ZEB1: variants seen among roughly 807,000 people sequenced by gnomAD.
The protein encoded by ZEB1 is zinc finger E-box-binding homeobox 1.
Under a neutral mutation model 84.9 loss-of-function variants are expected in ZEB1, and 21 were observed. The observed-to-expected ratio is 0.25, with a 90% CI of 0.18 to 0.36. The LOEUF (loss-of-function observed/expected upper bound fraction) is 0.36. Among genes scored for constraint, ZEB1 ranks in the 10% least tolerant of loss-of-function variants. The pLI is 1.00. For missense variants in ZEB1, 1,104 were observed against 1,330.2 expected, an observed-to-expected ratio of 0.83 and a Z score of 2.65; for synonymous variants, 420 against 471.1, an observed-to-expected ratio of 0.89 and a Z score of 1.41.
intron 2 of ZEB1, among the ~76,000 whole-genome samples, chr10:31,484,556 T>C (rs1195372346): frequency 6.6e-6 from 1 of 152,038 alleles, no homozygotes; most frequent in East Asian, 1.9e-4. Flanking sequence ...CCAGGCGGTC[T>C]GAGTCTGTAA....
rs559676334 is a variant in ZEB1 at position 31,321,001 on chromosome 10, A to C, written c.58+1709A>C. ...CGCTTTGGTTCCTGCGTTATTTTTA[A>C]AACGACTTTTAAGAGAGGGGCAATA... On this transcript the variant is annotated intron_variant, in intron 1 of 8. Transcript: ENST00000424869. The C allele has an allele frequency of 4.9e-5, 18 of 370,138 alleles. No individual in the cohort carries two copies. In the East Asian group the frequency reaches 2.9e-3, roughly 60 times the overall value. 22.9% of individuals were successfully genotyped at this position (370,138 alleles called of 1,614,324 possible). A position where few individuals can be genotyped will look rare whatever the true frequency, so the allele number is the denominator to read the frequency against.
At chr10:31,462,724 T>C (rs1237545507) in intron 2 of ZEB1, among the ~76,000 whole-genome samples, 1 of 152,194 alleles carries the variant, frequency 6.6e-6, no homozygotes, top group Non-Finnish European at 1.5e-5. Context: ...TTGAACCTTA[T>C]CATGGAAGCT....
intron 2 of ZEB1, among the ~76,000 whole-genome samples, chr10:31,483,243 T>C (rs1031127510): frequency 6.6e-6 from 1 of 151,998 alleles, no homozygotes; most frequent in African/African-American, 2.4e-5. Context: ...GCTAATTGCT[T>C]TCCCAAATAT....
At chr10:31,501,698 A>G (rs182700702) in intron 3 of ZEB1, among the ~76,000 whole-genome samples, 417 of 152,248 alleles carry the variant, frequency 2.7e-3, no homozygotes, top group African/African-American at 9.3e-3. Context: ...TATATATACT[A>G]TACTGTTTCC....
chr10:31,508,506 G>A (rs1341375367), intron 4 of ZEB1, among the ~76,000 whole-genome samples: 1 of 152,116 alleles, frequency 6.6e-6, no homozygotes, highest in Non-Finnish European at 1.5e-5. Flanking sequence ...ATAGTAGCAG[G>A]TTGGGTGGAC....
chr10:31,495,303 G>A (rs944704426), intron 2 of ZEB1, among the ~76,000 whole-genome samples: 4 of 151,934 alleles, frequency 2.6e-5, no homozygotes, highest in Admixed American at 2.0e-4. Flanking sequence ...TAATTCTACC[G>A]TCTATAGGTA....
At chr10:31,346,312 A>ATTACT (rs2040302591) in intron 1 of ZEB1, among the ~76,000 whole-genome samples, 1 of 152,150 alleles carries the variant, frequency 6.6e-6, no homozygotes, top group Non-Finnish European at 1.5e-5. Context: ...AAGTAACTGG[A>ATTACT]TAGTTGGTTT....
chr10:31,362,261 G>A (rs1209053699), intron 1 of ZEB1, among the ~76,000 whole-genome samples: 5 of 146,076 alleles, frequency 3.4e-5, no homozygotes, highest in East Asian at 2.1e-4. Context: ...CAGAGGCGGC[G>A]CTCCTCCTCA....
At chr10:31,367,485 T>G (rs954361665) in intron 1 of ZEB1, among the ~76,000 whole-genome samples, 3 of 152,200 alleles carry the variant, frequency 2.0e-5, no homozygotes, top group African/African-American at 7.2e-5. Context: ...TTACTGCACT[T>G]TTCTAGGCAG....
At chr10:31,362,764 C>T in intron 1 of ZEB1, 1 of 633,004 alleles carries the variant, frequency 1.6e-6, no homozygotes, top group South Asian at 1.7e-5. Flanking sequence ...TCTTGATCTC[C>T]TGATCCGCCC....
rs527482013 is a variant in ZEB1, at chr10:31,326,178, T to C, written c.58+6886T>C. ...CTTTAATGTGTGTTTTAAGAAGGGGTAATGCCAGGCAGATACAGTGACATA... is the reference window on the plus strand; with the variant it reads ...CTTTAATGTGTGTTTTAAGAAGGGGCAATGCCAGGCAGATACAGTGACATA... On this transcript the variant is annotated intron_variant, in intron 1 of 8. Coordinates refer to ENST00000424869, the MANE Select transcript of ZEB1 (RefSeq NM_001174096.2). Among the ~76,000 whole-genome samples, 6 of 152,182 alleles carry C rather than the reference T, an allele frequency of 3.9e-5. No homozygotes were observed. In the East Asian group the frequency reaches 1.2e-3, roughly 29 times the overall value.
At chr10:31,413,821 T>A (rs992967724) in intron 1 of ZEB1, among the ~76,000 whole-genome samples, 1 of 152,232 alleles carries the variant, frequency 6.6e-6, no homozygotes, top group Non-Finnish European at 1.5e-5. Context: ...AACATTTTTA[T>A]AATTTCATAG....
At chr10:31,366,659 A>G in intron 1 of ZEB1, among the ~76,000 whole-genome samples, 1 of 152,186 alleles carries the variant, frequency 6.6e-6, no homozygotes, top group East Asian at 1.9e-4. Context: ...AGTACTTCCA[A>G]GTTTCTGCTT....
At chr10:31,513,253 G>A (rs2139584097) in intron 5 of ZEB1, among the ~76,000 whole-genome samples, 1 of 152,218 alleles carries the variant, frequency 6.6e-6, no homozygotes, top group East Asian at 1.9e-4. Flanking sequence ...GATTGGGTGA[G>A]GGTACATGAG....
At chr10:31,331,052 T>C (rs2036624468) in intron 1 of ZEB1, among the ~76,000 whole-genome samples, 1 of 150,900 alleles carries the variant, frequency 6.6e-6, no homozygotes, top group Non-Finnish European at 1.5e-5. Context: ...GAGTCTTAAA[T>C]TTCATTTTCT....
chr10:31,339,294 T>C (rs186720283), intron 1 of ZEB1, among the ~76,000 whole-genome samples: 1 of 152,312 alleles, frequency 6.6e-6, no homozygotes, highest in Admixed American at 6.5e-5. Flanking sequence ...GCAAAACACA[T>C]GACTGTTAAT....
At position 31,497,199 on chromosome 10, in the gene ZEB1, A is replaced by T. The variant is rs543255306; in HGVS notation, c.322+1361A>T. On this transcript the variant is annotated intron_variant, in intron 3 of 8. Transcript: ENST00000424869. ...CTATTTACTTTTACCTAGAATCGTT[A>T]AACTTTGATGACTTATATTACCAGA... Among the ~76,000 whole-genome samples, 3 of 152,230 alleles carry T rather than the reference A, an allele frequency of 2.0e-5. No individual in the cohort carries two copies. The East Asian group carries it at 5.8e-4, about 29-fold the overall frequency.
chr10:31,361,242 G>C, intron 1 of ZEB1: 1 of 1,603,784 alleles, frequency 6.2e-7, no homozygotes, highest in South Asian at 1.1e-5. Context: ...CACCAGGCTG[G>C]AGTGCAGTGG....
intron 1 of ZEB1, among the ~76,000 whole-genome samples, chr10:31,329,439 C>G (rs894647521): frequency 2.0e-5 from 3 of 152,094 alleles, no homozygotes; most frequent in Non-Finnish European, 4.4e-5. Flanking sequence ...TGCAGTGGAA[C>G]TATTAACTTG....
Sources: allele counts gnomAD v4.1 joint callset (sites outside exome capture counted in the v4.1 genomes callset), GRCh38; gene constraint gnomAD v4.1.1; transcripts MANE v1.5; gene names NCBI Gene and HGNC (gene_info 2026-07-23, HGNC 2026-07-21).